C12orf42: variants seen among roughly 807,000 people sequenced by gnomAD.
C12orf42 encodes chromosome 12 open reading frame 42.
Under a neutral mutation model 21.6 loss-of-function variants are expected in C12orf42, and 25 were observed. The observed-to-expected ratio is 1.16, with a 90% CI of 0.84 to 1.62. C12orf42 has a LOEUF of 1.62. Ranked by LOEUF, C12orf42 falls within the 40% of genes most tolerant of loss-of-function variation. C12orf42 has a pLI of 0.00. For synonymous variants in C12orf42, 174 were observed against 175.0 expected (o/e 0.99, Z 0.05); for missense variants, 483 against 459.3 (o/e 1.05, Z -0.47).
downstream of C12orf42, among the ~76,000 whole-genome samples, chr12:103,265,520 AATT>A (rs1288300568): frequency 2.0e-5 from 3 of 152,222 alleles, no homozygotes; most frequent in Non-Finnish European, 4.4e-5. Context: ...AGCAATTTAA[AATT>A]ATTAAATCAG....
intron 2 of C12orf42, among the ~76,000 whole-genome samples, chr12:103,452,246 T>C (rs1951994233): frequency 6.6e-6 from 1 of 152,074 alleles, no homozygotes; most frequent in Admixed American, 6.6e-5. Flanking sequence ...GTTGTTTGCA[T>C]GATGGTGTCA....
intron 2 of C12orf42, among the ~76,000 whole-genome samples, chr12:103,469,295 C>A (rs151120548): frequency 1.1e-3 from 171 of 152,300 alleles, no homozygotes; most frequent in East Asian, 4.0e-3. Flanking sequence ...TGTGTAAAAA[C>A]ATACATCAAT....
intron 4 of C12orf42, among the ~76,000 whole-genome samples, chr12:103,357,203 G>A (rs935711009): frequency 2.0e-5 from 3 of 150,514 alleles, no homozygotes; most frequent in Admixed American, 6.7e-5. Flanking sequence ...GCTAAATGAC[G>A]AGTTAATGGG....
chr12:103,151,030 C>T, the C12orf42 span, among the ~76,000 whole-genome samples: 12 of 152,244 alleles, frequency 7.9e-5, no homozygotes, highest in Non-Finnish European at 1.0e-4. Flanking sequence ...CAGGTTCAAG[C>T]GATTCTCCTG....
At chr12:103,472,723 G>T (rs982681291) in intron 2 of C12orf42, among the ~76,000 whole-genome samples, 3 of 152,156 alleles carry the variant, frequency 2.0e-5, no homozygotes, top group Non-Finnish European at 1.5e-5. Flanking sequence ...GAGATGGAAA[G>T]GCCATAGCAA....
At chr12:103,296,321 C>G (rs547888341) in intron 4 of C12orf42, among the ~76,000 whole-genome samples, 1 of 152,118 alleles carries the variant, frequency 6.6e-6, no homozygotes, top group South Asian at 2.1e-4. Context: ...CCACAATACA[C>G]ACACGTGTGC....
chr12:103,552,098 C>T, the C12orf42 span, among the ~76,000 whole-genome samples: 10 of 151,790 alleles, frequency 6.6e-5, 1 homozygote, highest in East Asian at 3.9e-4. Flanking sequence ...TTGAGGTTTG[C>T]TTGTTTGCAT....
At chr12:103,512,587 C>T in the C12orf42 span, among the ~76,000 whole-genome samples, 5 of 152,156 alleles carry the variant, frequency 3.3e-5, no homozygotes, top group Admixed American at 2.6e-4. Context: ...ATAAAATGGG[C>T]AGAAATTGTA....
the C12orf42 span, among the ~76,000 whole-genome samples, chr12:103,092,613 T>A: frequency 2.6e-5 from 4 of 152,290 alleles, no homozygotes; most frequent in South Asian, 6.2e-4. Flanking sequence ...GTGCAACGTA[T>A]TCTCCTGCCT....
At position 103,482,501 on chromosome 12, in the gene C12orf42, C is replaced by T. The variant is rs372788301; in HGVS notation, c.-21-4054G>A. Among the ~76,000 whole-genome samples the T allele has an allele frequency of 6.3e-4, 96 of 152,132 alleles. 1 individual carries two copies. The highest frequency in any genetic ancestry group is 2.1e-3 in the African/African-American group (89 of 41,532). On this transcript the variant is annotated intron_variant, in intron 1 of 5. Coordinates refer to ENST00000548883, the MANE Select transcript of C12orf42 (RefSeq NM_198521.5). ...TATTTTGTTTTGTTTCTAGTCTTCTCGCTTGTCCCTTCTGTGGCTTAAGAT... is the reference window on the plus strand; with the variant it reads ...TATTTTGTTTTGTTTCTAGTCTTCTTGCTTGTCCCTTCTGTGGCTTAAGAT...
intron 4 of C12orf42, among the ~76,000 whole-genome samples, chr12:103,322,756 G>A (rs17033696): frequency 0.035 from 5,361 of 152,200 alleles, 309 homozygotes; most frequent in African/African-American, 0.12. Flanking sequence ...GTCCAAATTC[G>A]TAAGAGTGCA....
At chr12:103,438,785 A>G (rs1225221480) in intron 2 of C12orf42, among the ~76,000 whole-genome samples, 1 of 152,010 alleles carries the variant, frequency 6.6e-6, no homozygotes, top group East Asian at 1.9e-4. Context: ...AGAACATTCC[A>G]TGCTCATGGG....
intron 4 of C12orf42, among the ~76,000 whole-genome samples, chr12:103,307,759 T>C (rs7308188): frequency 0.36 from 55,356 of 151,814 alleles, 11,380 homozygotes; most frequent in African/African-American, 0.55. Context: ...TGCACATGTG[T>C]GCACATGTGT....
At chr12:103,500,922 A>G (rs866571262), upstream of C12orf42, among the ~76,000 whole-genome samples, 33 of 152,240 alleles carry the variant, frequency 2.2e-4, no homozygotes, top group African/African-American at 7.2e-4. Flanking sequence ...TATTATAAGA[A>G]AGGCATTTGC....
At chr12:103,221,725 C>T in the C12orf42 span, among the ~76,000 whole-genome samples, 1 of 152,150 alleles carries the variant, frequency 6.6e-6, no homozygotes, top group African/African-American at 2.4e-5. Context: ...CGTGGACAAA[C>T]CCATCCTTCA....
chr12:103,381,285 A>C (rs945016989), intron 3 of C12orf42, among the ~76,000 whole-genome samples: 5 of 152,274 alleles, frequency 3.3e-5, no homozygotes, highest in Middle Eastern at 3.4e-3. Context: ...GATCTTAGAG[A>C]AGTATGGAAT....
At chr12:103,152,458 G>A in the C12orf42 span, among the ~76,000 whole-genome samples, 319 of 151,960 alleles carry the variant, frequency 2.1e-3, 2 homozygotes, top group African/African-American at 7.1e-3. Context: ...CACTCATTAC[G>A]GTACTGGCCA....
intron 4 of C12orf42, among the ~76,000 whole-genome samples, chr12:103,294,637 AAGG>A (rs2037128366): frequency 6.8e-6 from 1 of 146,322 alleles, no homozygotes; most frequent in African/African-American, 2.6e-5. Flanking sequence ...AGAAAGAAAG[AAGG>A]AAAAGAAAGA....
At chr12:103,345,404 T>C (rs1273160688) in intron 4 of C12orf42, among the ~76,000 whole-genome samples, 1 of 152,180 alleles carries the variant, frequency 6.6e-6, no homozygotes, top group African/African-American at 2.4e-5. Flanking sequence ...GTTTTATCAC[T>C]ATTATTGTTG....
Sources: allele counts gnomAD v4.1 joint callset (sites outside exome capture counted in the v4.1 genomes callset), GRCh38; gene constraint gnomAD v4.1.1; transcripts MANE v1.5; gene names NCBI Gene and HGNC (gene_info 2026-07-23, HGNC 2026-07-21).